TMEM117: variants seen among roughly 807,000 people sequenced by gnomAD.
TMEM117 encodes the protein transmembrane protein 117.
TMEM117 carries 27 observed loss-of-function variants against 52.4 expected under a neutral mutation model. The observed-to-expected ratio is 0.51, with a 90% confidence interval of 0.38 to 0.71. TMEM117 has a LOEUF of 0.71. TMEM117 is among the 30% of genes least tolerant of loss of function. The pLI is 0.00. For missense variants in TMEM117, 556 were observed against 630.5 expected (o/e 0.88, Z 1.26); for synonymous variants, 215 against 206.3 (o/e 1.04, Z -0.36).
chr12:44,190,427 C>T (rs1949335866), intron 4 of TMEM117, among the ~76,000 whole-genome samples: 2 of 152,036 alleles, frequency 1.3e-5, no homozygotes, highest in Admixed American at 6.6e-5. Context: ...AACCCAAATG[C>T]CCTGGGGTGA....
intron 4 of TMEM117, among the ~76,000 whole-genome samples, chr12:44,186,445 T>C (rs1275909017): frequency 3.3e-5 from 5 of 152,178 alleles, no homozygotes; most frequent in African/African-American, 9.7e-5. Flanking sequence ...AGCTGTTAAA[T>C]GCACATGGAA....
intron 5 of TMEM117, among the ~76,000 whole-genome samples, chr12:44,243,086 A>G (rs1592634615): frequency 6.6e-6 from 1 of 151,756 alleles, no homozygotes; most frequent in African/African-American, 2.4e-5. Context: ...TCCTTTGCCC[A>G]CTTCTTAATG....
chr12:44,070,493 G>T (rs2137980434), intron 3 of TMEM117, among the ~76,000 whole-genome samples: 1 of 152,316 alleles, frequency 6.6e-6, no homozygotes, highest in East Asian at 1.9e-4. Context: ...CAGTCAACCT[G>T]CAGTGTCTGA....
Position 44,053,327 on chromosome 12 carries a change from AC to A in TMEM117, c.411-90197del, listed in dbSNP as rs1947004375. Among the ~76,000 whole-genome samples the A allele has an allele frequency of 3.3e-5, 5 of 152,216 alleles. No individual in the cohort carries two copies. In the South Asian group the frequency reaches 1.0e-3, roughly 32 times the overall value. ...ACAATGATATTTTATTATAAAGGTT[AC>A]AAATGACCAGCCAGATGAAGAGATA... is the stretch of plus-strand genomic sequence containing the variant. On this transcript the variant is annotated intron_variant, in intron 3 of 7. Coordinates refer to ENST00000266534, the MANE Select transcript of TMEM117 (RefSeq NM_032256.3).
intron 6 of TMEM117, among the ~76,000 whole-genome samples, chr12:44,333,908 A>G (rs1951305751): frequency 6.6e-6 from 1 of 152,012 alleles, no homozygotes; most frequent in Admixed American, 6.6e-5. Context: ...GATGAAAGGA[A>G]AGAACTGGGC....
intron 2 of TMEM117, among the ~76,000 whole-genome samples, chr12:43,858,339 A>G (rs2137390743): frequency 6.6e-6 from 1 of 152,146 alleles, no homozygotes; most frequent in African/African-American, 2.4e-5. Flanking sequence ...CTGCCTTAGG[A>G]CCGGATTGTG....
rs145917425 is a variant in TMEM117, at chr12:44,249,723, T to C, written c.608+38336T>C. Among the ~76,000 whole-genome samples, 600 of 152,092 alleles carry C rather than the reference T, an allele frequency of 3.9e-3. 3 individuals carry two copies. Among genetic ancestry groups the C allele is most frequent in the African/African-American group, 0.014 (561 of 41,496 alleles). On this transcript the variant is annotated intron_variant, in intron 5 of 7. Coordinates refer to ENST00000266534, the MANE Select transcript of TMEM117 (RefSeq NM_032256.3). ...ACCATCTGATCTTCAACAAACCATG[T>C]AAAAACAAGCAATGGGGAAAGGATT... is the stretch of plus-strand genomic sequence containing the variant.
intron 3 of TMEM117, among the ~76,000 whole-genome samples, chr12:44,013,033 T>C (rs1375611600): frequency 6.6e-6 from 1 of 151,804 alleles, no homozygotes; most frequent in Admixed American, 6.6e-5. Context: ...TCTTGCTTTT[T>C]TTTTTTTTAG....
intron 3 of TMEM117, among the ~76,000 whole-genome samples, chr12:44,125,917 T>C (rs1002131503): frequency 6.6e-6 from 1 of 152,224 alleles, no homozygotes; most frequent in African/African-American, 2.4e-5. Flanking sequence ...AATTGTAGCT[T>C]TGTTCTCATT....
rs117279447 is a variant in TMEM117, at chr12:44,131,059, G to A, written c.411-12466G>A. Among the ~76,000 whole-genome samples, 230 of 151,834 alleles carry A rather than the reference G, an allele frequency of 1.5e-3. 3 individuals carry two copies. The highest frequency in any genetic ancestry group is 2.8e-3 in the Non-Finnish European group (189 of 67,842). On this transcript the variant is annotated intron_variant, in intron 3 of 7. Transcript: ENST00000266534. ...AAAACTTATATATTTCTCTCTTTGTGGTTAATTTTGCTGTTTCTTCTCTAA... is the reference window on the plus strand; with the variant it reads ...AAAACTTATATATTTCTCTCTTTGTAGTTAATTTTGCTGTTTCTTCTCTAA...
chr12:44,387,545 A>G (rs978723137), intron 7 of TMEM117, among the ~76,000 whole-genome samples: 3 of 152,154 alleles, frequency 2.0e-5, no homozygotes, highest in Admixed American at 6.6e-5. Context: ...ACCTACAAAC[A>G]GCAATATGAA....
chr12:43,883,124 A>G (rs1476774014), intron 2 of TMEM117, among the ~76,000 whole-genome samples: 1 of 152,162 alleles, frequency 6.6e-6, no homozygotes, highest in African/African-American at 2.4e-5. Flanking sequence ...TGTTCTTTAT[A>G]ATGTAAAACT....
chr12:44,105,778 A>G (rs1485114024), intron 3 of TMEM117, among the ~76,000 whole-genome samples: 3 of 152,030 alleles, frequency 2.0e-5, no homozygotes, highest in Non-Finnish European at 2.9e-5. Flanking sequence ...TCAAATCCCA[A>G]TAAGGTTAGG....
intron 5 of TMEM117, among the ~76,000 whole-genome samples, chr12:44,267,650 G>A (rs1208858693): frequency 1.3e-5 from 2 of 152,156 alleles, no homozygotes; most frequent in East Asian, 3.8e-4. Flanking sequence ...TATAACCAAA[G>A]TTTATACCTT....
At chr12:44,358,475 A>G (rs1032724864) in intron 6 of TMEM117, among the ~76,000 whole-genome samples, 1 of 152,132 alleles carries the variant, frequency 6.6e-6, no homozygotes, top group African/African-American at 2.4e-5. Context: ...GCTATGCTAA[A>G]TGACCTCTAA....
intron 5 of TMEM117, among the ~76,000 whole-genome samples, chr12:44,265,557 C>T (rs921474186): frequency 4.6e-5 from 7 of 152,152 alleles, no homozygotes; most frequent in Non-Finnish European, 8.8e-5. Flanking sequence ...CAAGTGAACC[C>T]GTTTGGGAAA....
chr12:44,348,535 G>T (rs1377269701), intron 6 of TMEM117, among the ~76,000 whole-genome samples: 1 of 151,942 alleles, frequency 6.6e-6, no homozygotes, highest in East Asian at 1.9e-4. Context: ...TGCCTAGCAG[G>T]TGATGGCATA....
At chr12:44,192,581 G>A (rs1023200464) in intron 4 of TMEM117, among the ~76,000 whole-genome samples, 3 of 151,942 alleles carry the variant, frequency 2.0e-5, no homozygotes, top group African/African-American at 7.3e-5. Flanking sequence ...ATTTAATATA[G>A]GTGAAGTATT....
chr12:44,154,574 CT>C (rs1281231930), intron 4 of TMEM117, among the ~76,000 whole-genome samples: 1 of 151,640 alleles, frequency 6.6e-6, no homozygotes, highest in Non-Finnish European at 1.5e-5. Context: ...AACCCAAGTG[CT>C]TTTTTTCTTA....
Sources: gnomAD v4.1 joint callset for allele counts (sites outside exome capture counted in the v4.1 genomes callset) on GRCh38, gnomAD v4.1.1 for gene constraint, MANE v1.5 for transcripts, NCBI Gene and HGNC (gene_info 2026-07-23, HGNC 2026-07-21) for gene names.